Variants in USH2A observed in about 807,000 individuals in gnomAD.
USH2A encodes usherin.
USH2A carries 443 observed loss-of-function variants against 538.9 expected under a neutral mutation model. That is an observed-to-expected ratio of 0.82 (90% CI 0.76 to 0.89). The LOEUF (loss-of-function observed/expected upper bound fraction) is 0.89, where lower values mean the gene tolerates loss of function less well. Among genes scored for constraint, USH2A ranks in the 40% least tolerant of loss-of-function variants. The pLI is 0.00. For synonymous variants in USH2A, 2,413 were observed against 2,273.5 expected (o/e 1.06, Z -1.75); for missense variants, 6,633 against 6,324.8 (o/e 1.05, Z -1.65).
chr1:215,848,693 T>C (rs1413194409), intron 44 of USH2A, among the ~76,000 whole-genome samples: 2 of 152,202 alleles, frequency 1.3e-5, no homozygotes, highest in Non-Finnish European at 2.9e-5. Flanking sequence ...AAGTACCGGA[T>C]TTCTGGCCTA....
intron 11 of USH2A, among the ~76,000 whole-genome samples, chr1:216,262,387 A>C (rs574181428): frequency 5.9e-5 from 9 of 152,266 alleles, no homozygotes; most frequent in African/African-American, 1.7e-4. Context: ...AAAATGAACC[A>C]AACAGAAATA....
intron 38 of USH2A, among the ~76,000 whole-genome samples, chr1:215,903,138 G>T (rs1018361985): frequency 1.3e-5 from 2 of 152,052 alleles, no homozygotes; most frequent in South Asian, 2.1e-4. Context: ...AAGAAAGAAG[G>T]CACATGAAAA....
chr1:216,394,415 T>C (rs2039168609), intron 3 of USH2A, among the ~76,000 whole-genome samples: 1 of 152,198 alleles, frequency 6.6e-6, no homozygotes, highest in African/African-American at 2.4e-5. Context: ...AGGAATATTC[T>C]GAAGTTATAG....
rs950230250 is a variant in USH2A, at chr1:215,650,746, G to A, written c.14189C>T (p.Thr4730Ile). 6 of 1,613,366 alleles carry A rather than the reference G, an allele frequency of 3.7e-6. No homozygotes were observed. The highest frequency in any genetic ancestry group is 4.2e-6 in the Non-Finnish European group (5 of 1,179,968). ...KAPSSWTWCR[T>I]GPAPPEGLRA... ...GAGACCTTCTGGTGGGGCTGGCCCG[G>A]TTCTGCACCATGTCCAGCTACTGGG... The change falls in exon 65 of 72, where the codon ACC becomes ATC. Residue 4730 changes from threonine (T) to isoleucine (I), a missense_variant. By Grantham distance (89) the Thr-to-Ile change is moderately conservative. Coordinates refer to ENST00000307340, the MANE Select transcript of USH2A (RefSeq NM_206933.4).
chr1:216,376,226 A>T (rs909904912), intron 3 of USH2A, among the ~76,000 whole-genome samples: 4 of 152,188 alleles, frequency 2.6e-5, no homozygotes, highest in Non-Finnish European at 5.9e-5. Flanking sequence ...AAAATAAAAT[A>T]AAAATAAAAA....
At chr1:216,151,119 A>G (rs1179361768) in intron 21 of USH2A, among the ~76,000 whole-genome samples, 1 of 152,042 alleles carries the variant, frequency 6.6e-6, no homozygotes, top group East Asian at 1.9e-4. Context: ...TAGATACTCA[A>G]CGTTTTCTCA....
chr1:216,338,156 C>A (rs151334287), intron 4 of USH2A, among the ~76,000 whole-genome samples: 1 of 151,226 alleles, frequency 6.6e-6, no homozygotes, highest in Non-Finnish European at 1.5e-5. Context: ...ATAAACTGAT[C>A]CTAAAATTCA....
chr1:216,046,691 C>T (rs934720485), intron 31 of USH2A, 99 bp from the exon 32 acceptor site: 1 of 1,411,462 alleles, frequency 7.1e-7, no homozygotes, highest in African/African-American at 1.4e-5. Context: ...ACCTGAAATC[C>T]CATGCATGGA....
At chr1:216,033,932 T>C (rs568813051) in intron 32 of USH2A, among the ~76,000 whole-genome samples, 3 of 152,142 alleles carry the variant, frequency 2.0e-5, no homozygotes, top group African/African-American at 7.2e-5. Flanking sequence ...AAAGAATGAA[T>C]AGTGTTACTT....
intron 41 of USH2A, among the ~76,000 whole-genome samples, chr1:215,879,334 G>A (rs1399204294): frequency 1.3e-5 from 2 of 152,152 alleles, no homozygotes; most frequent in African/African-American, 2.4e-5. Context: ...CACTTTCTAC[G>A]ACTGTCAGAC....
intron 61 of USH2A, among the ~76,000 whole-genome samples, chr1:215,726,078 A>G (rs2102711451): frequency 6.6e-6 from 1 of 152,290 alleles, no homozygotes; most frequent in African/African-American, 2.4e-5. Context: ...TATAATCCTG[A>G]TGCCTTCAAT....
chr1:216,014,072 T>C (rs1411366980), intron 32 of USH2A, among the ~76,000 whole-genome samples: 3 of 119,436 alleles, frequency 2.5e-5, no homozygotes, highest in Non-Finnish European at 5.3e-5. Flanking sequence ...CTTTGAATAA[T>C]AAAGCATGAA....
intron 11 of USH2A, among the ~76,000 whole-genome samples, chr1:216,281,909 T>C (rs2036790073): frequency 2.3e-5 from 3 of 130,414 alleles, no homozygotes; most frequent in African/African-American, 8.3e-5. Flanking sequence ...ATCCCACTGG[T>C]TGGGAAGTGG....
At position 216,207,432 on chromosome 1, in the gene USH2A, C is replaced by T. The variant is rs1231186035; in HGVS notation, c.3158-1G>A. 6.2e-7 allele frequency: 1 copy of T among 1,613,852 alleles called. No individual in the cohort carries two copies. The highest frequency in any genetic ancestry group is 1.3e-5 in the African/African-American group (1 of 74,998). On this transcript the variant is annotated splice_acceptor_variant, in intron 15 of 71. Coordinates refer to ENST00000307340, the MANE Select transcript of USH2A (RefSeq NM_206933.4). LOFTEE classifies it high-confidence loss of function. ...CTGGGCGGAGGTTGCTGGAATGGAG[C>T]TAAATTACAATGAAGAGAGCATTTA...
At chr1:216,417,447 C>T (rs1009565202) in intron 3 of USH2A, among the ~76,000 whole-genome samples, 1 of 152,012 alleles carries the variant, frequency 6.6e-6, no homozygotes, top group East Asian at 1.9e-4. Flanking sequence ...TGTCCCCACC[C>T]AAACCTCATG....
chr1:216,162,226 A>G (rs2034072851), intron 21 of USH2A, among the ~76,000 whole-genome samples: 1 of 151,862 alleles, frequency 6.6e-6, no homozygotes, highest in Non-Finnish European at 1.5e-5. Flanking sequence ...AGTTTGGACA[A>G]TTACAATTGA....
At chr1:215,917,803 A>T (rs1423967023) in intron 38 of USH2A, among the ~76,000 whole-genome samples, 3 of 148,248 alleles carry the variant, frequency 2.0e-5, no homozygotes, top group Non-Finnish European at 3.0e-5. Context: ...AAAAAAAAAA[A>T]AAATACAAAA....
rs1183720213 is a variant in USH2A at position 216,246,647 on chromosome 1, A to G, written c.2747T>C (p.Ile916Thr). The change falls in exon 13 of 72, where the codon ATC becomes ACC. Residue 916 changes from isoleucine to threonine, a missense_variant. Coordinates refer to ENST00000307340, the MANE Select transcript of USH2A (RefSeq NM_206933.4). The part of the protein sequence containing the change: ...GTLPGTICDP[I>T]SGQCLCVPNR... ...AGGCACACACAGGCACTGGCCACTG[A>G]TTGGGTCACAAATGGTCCCAGGTAA... 1.9e-6 allele frequency: 3 copies of G among 1,614,124 alleles called. No individual in the cohort carries two copies. The highest frequency in any genetic ancestry group is 1.1e-5 in the South Asian group (1 of 91,086).
intron 37 of USH2A, among the ~76,000 whole-genome samples, chr1:215,957,903 C>G (rs1040584038): frequency 6.6e-6 from 1 of 152,144 alleles, no homozygotes; most frequent in African/African-American, 2.4e-5. Context: ...AACAATTCCC[C>G]CACTGGCGGG....
Sources: allele counts gnomAD v4.1 joint callset (sites outside exome capture counted in the v4.1 genomes callset), GRCh38; gene constraint gnomAD v4.1.1; transcripts MANE v1.5; gene names NCBI Gene and HGNC (gene_info 2026-07-23, HGNC 2026-07-21).